The following ATG13 variants were observed in gnomAD, a reference collection of about 807,000 sequenced individuals.
ATG13 encodes autophagy-related protein 13.
In ATG13, 23 loss-of-function variants were observed where a neutral mutation model predicts 65.5. The observed-to-expected ratio is 0.35, with a 90% CI of 0.25 to 0.50. The LOEUF (loss-of-function observed/expected upper bound fraction) is 0.50. Among genes scored for constraint, ATG13 ranks in the 20% least tolerant of loss-of-function variants. The pLI, the probability that ATG13 is intolerant of heterozygous loss-of-function variation, is 0.98. For missense variants in ATG13, 566 were observed against 677.0 expected (o/e 0.84, Z 1.82); for synonymous variants, 252 against 245.2 (o/e 1.03, Z -0.26).
At chr11:46,642,304 GT>G (rs200225497) in intron 2 of ATG13, among the ~76,000 whole-genome samples, 7,960 of 107,258 alleles carry the variant, frequency 0.074, 119 homozygotes, top group Non-Finnish European at 0.093. Flanking sequence ...ATTTTTGTGG[GT>G]TTTTTTTTTT....
intron 7 of ATG13, among the ~76,000 whole-genome samples, chr11:46,655,268 G>A (rs895729150): frequency 2.6e-5 from 4 of 151,636 alleles, no homozygotes; most frequent in Admixed American, 6.6e-5. Flanking sequence ...GCGCGGTGGC[G>A]GACACCTGTA....
At chr11:46,652,548 C>G (rs932086744) in intron 7 of ATG13, among the ~76,000 whole-genome samples, 2 of 152,076 alleles carry the variant, frequency 1.3e-5, no homozygotes, top group Non-Finnish European at 2.9e-5. Flanking sequence ...TACCTTGTCT[C>G]TACTAAAAAT....
At chr11:46,648,413 T>A (rs1027096993) in intron 5 of ATG13, among the ~76,000 whole-genome samples, 1 of 152,108 alleles carries the variant, frequency 6.6e-6, no homozygotes, top group Admixed American at 6.5e-5. Flanking sequence ...TTATCACAAT[T>A]TTTGCAGTAA....
At chr11:46,665,012 C>T (rs1232639146) in intron 13 of ATG13, 53 bp downstream of exon 13, 47 of 1,506,482 alleles carry the variant, frequency 3.1e-5, no homozygotes, top group Non-Finnish European at 3.1e-5. Context: ...CTCCCCTGCC[C>T]GGAGGCAATT....
intron 14 of ATG13, among the ~76,000 whole-genome samples, chr11:46,665,795 TCC>T (rs1163167907): frequency 1.4e-5 from 2 of 144,302 alleles, no homozygotes; most frequent in African/African-American, 5.5e-5. Flanking sequence ...AATTTATTTT[TCC>T]TTTTTTTTTT....
intron 16 of ATG13, 81 bp downstream of exon 16, chr11:46,668,657 C>T: frequency 6.5e-7 from 1 of 1,533,506 alleles, no homozygotes; most frequent in Non-Finnish European, 9.0e-7. Flanking sequence ...ACTAATCCCC[C>T]ACAGACTATA....
intron 5 of ATG13, among the ~76,000 whole-genome samples, chr11:46,648,307 C>T (rs1013393596): frequency 2.6e-5 from 4 of 151,926 alleles, no homozygotes; most frequent in South Asian, 2.1e-4. Context: ...GGATTACAGG[C>T]GTGAGCCACC....
At chr11:46,662,960 T>A (rs749597887) in intron 11 of ATG13, among the ~76,000 whole-genome samples, 3 of 152,076 alleles carry the variant, frequency 2.0e-5, no homozygotes, top group Non-Finnish European at 4.4e-5. Flanking sequence ...AATTAGCTAA[T>A]CGGTCAGGTT....
chr11:46,628,831 T>A (rs1565430689), intron 1 of ATG13, among the ~76,000 whole-genome samples: 3 of 152,078 alleles, frequency 2.0e-5, no homozygotes, highest in African/African-American at 7.2e-5. Context: ...AATGCATAAG[T>A]CTTATAATCA....
At chr11:46,645,794 T>C in intron 4 of ATG13, 76 bp from the exon 5 acceptor site, 1 of 1,572,614 alleles carries the variant, frequency 6.4e-7, no homozygotes, top group Middle Eastern at 1.9e-4. Context: ...ATACTTGCAT[T>C]ACCCAGCATA....
chr11:46,643,690 A>G (rs917915633), intron 2 of ATG13, among the ~76,000 whole-genome samples: 14 of 151,218 alleles, frequency 9.3e-5, no homozygotes, highest in Non-Finnish European at 1.8e-4. Flanking sequence ...TCCTTGGCTC[A>G]AGCAGTCCTC....
chr11:46,663,532 G>A (rs1176439111), intron 11 of ATG13, among the ~76,000 whole-genome samples: 1 of 152,126 alleles, frequency 6.6e-6, no homozygotes, highest in Non-Finnish European at 1.5e-5. Flanking sequence ...GTTTGAAACT[G>A]TCCTGCAGAT....
intron 2 of ATG13, among the ~76,000 whole-genome samples, chr11:46,633,377 T>G (rs1017035806): frequency 6.6e-6 from 1 of 151,636 alleles, no homozygotes; most frequent in Non-Finnish European, 1.5e-5. Flanking sequence ...AGACGGAGTT[T>G]TGCTCTTGTT....
At chr11:46,670,502 T>C (rs1016236963) in intron 18 of ATG13, among the ~76,000 whole-genome samples, 7 of 145,158 alleles carry the variant, frequency 4.8e-5, no homozygotes, top group Non-Finnish European at 6.0e-5. Context: ...AAAAAAGTAA[T>C]AATTACTACT....
Position 46,639,106 on chromosome 11 carries a change from G to A in ATG13, c.-13-5173G>A, listed in dbSNP as rs141625881. Among the ~76,000 whole-genome samples the A allele has an allele frequency of 4.3e-3, 651 of 152,194 alleles. 2 individuals carry two copies. Among genetic ancestry groups the A allele is most frequent in the African/African-American group, 0.015 (603 of 41,508 alleles). On this transcript the variant is annotated intron_variant, in intron 2 of 18. Coordinates refer to ENST00000683050, the MANE Select transcript of ATG13 (RefSeq NM_001346311.2). ...GGGTTCAAGTGATTCTCCTGCCTCG[G>A]CCTCCCAAGTAGCTGGGACTGCAGG...
At position 46,673,102 on chromosome 11, in the gene ATG13, C is replaced by T. The variant is rs940352089; in HGVS notation, c.*770C>T. On this transcript the variant is annotated 3_prime_UTR_variant, in exon 19 of 19. Coordinates refer to ENST00000683050, the MANE Select transcript of ATG13 (RefSeq NM_001346311.2). ...TTCCTCTTGTCCCCCCGTTGCTGCTCCTTGGTTATAGAACATGGTAAATAT... is the reference window on the plus strand; with the variant it reads ...TTCCTCTTGTCCCCCCGTTGCTGCTTCTTGGTTATAGAACATGGTAAATAT... The T allele has an allele frequency of 5.6e-6, 1 of 179,712 alleles. No individual in the cohort carries two copies. Among genetic ancestry groups the T allele is most frequent in the Admixed American group, 5.5e-5 (1 of 18,294 alleles). 11.1% of individuals were successfully genotyped at this position (179,712 alleles called of 1,614,324 possible). A position where few individuals can be genotyped will look rare whatever the true frequency, so the allele number is the denominator to read the frequency against.
chr11:46,650,677 C>T (rs2058711014), intron 7 of ATG13, among the ~76,000 whole-genome samples: 1 of 152,170 alleles, frequency 6.6e-6, no homozygotes, highest in Non-Finnish European at 1.5e-5. Context: ...GCGATCTTGG[C>T]CCATTGCAGC....
intron 2 of ATG13, among the ~76,000 whole-genome samples, chr11:46,636,706 C>G (rs1202380822): frequency 6.6e-6 from 1 of 151,960 alleles, no homozygotes; most frequent in African/African-American, 2.4e-5. Context: ...ATCCTCCTGC[C>G]TCAACCTCCC....
At position 46,672,922 on chromosome 11, in the gene ATG13, A is replaced by G. The variant is rs1337886650; in HGVS notation, c.*590A>G. ...GCAATATGACAGGCCTGCCTACCCA[A>G]GATCAGAACTCCAAAACCACTCCCA... is the stretch of plus-strand genomic sequence containing the variant. On this transcript the variant is annotated 3_prime_UTR_variant, in exon 19 of 19. Transcript: ENST00000683050. 2.4e-6 allele frequency: 2 copies of G among 823,740 alleles called. No homozygotes were observed. Among genetic ancestry groups the G allele is most frequent in the African/African-American group, 1.8e-5 (1 of 55,120 alleles). The allele number at this position is 823,740 out of a possible 1,614,324, so 51.0% of individuals were successfully genotyped here. A position where few individuals can be genotyped will look rare whatever the true frequency, so the allele number is the denominator to read the frequency against.
Sources: allele counts gnomAD v4.1 joint callset (sites outside exome capture counted in the v4.1 genomes callset), GRCh38; gene constraint gnomAD v4.1.1; transcripts MANE v1.5; gene names NCBI Gene and HGNC (gene_info 2026-07-23, HGNC 2026-07-21).